The following USP24 variants were observed in gnomAD, a reference collection of about 807,000 sequenced individuals.
The protein encoded by USP24 is ubiquitin carboxyl-terminal hydrolase 24.
USP24 carries 97 observed loss-of-function variants against 361.6 expected under a neutral mutation model. That is an observed-to-expected ratio of 0.27 (90% CI 0.23 to 0.32). USP24 has a LOEUF of 0.32. USP24 is among the 10% of genes least tolerant of loss of function. USP24 has a pLI of 1.00. For synonymous variants in USP24, 1,098 were observed against 1,124.6 expected (o/e 0.98, Z 0.47); for missense variants, 2,353 against 3,165.6 (o/e 0.74, Z 6.16).
chr1:55,165,350 T>C (rs975989509), intron 7 of USP24, among the ~76,000 whole-genome samples: 2 of 152,116 alleles, frequency 1.3e-5, no homozygotes, highest in African/African-American at 4.8e-5. Context: ...AATTAAAGAT[T>C]AGTTATTCCC....
intron 1 of USP24, among the ~76,000 whole-genome samples, chr1:55,201,387 G>C (rs1644569151): frequency 6.6e-6 from 1 of 151,420 alleles, no homozygotes; most frequent in South Asian, 2.1e-4. Context: ...TGGATCACGA[G>C]GTCAGGAGTT....
At chr1:55,104,508 C>A (rs377346235) in intron 41 of USP24, among the ~76,000 whole-genome samples, 45 of 152,236 alleles carry the variant, frequency 3.0e-4, no homozygotes, top group African/African-American at 1.0e-3. Context: ...CAAATCAATT[C>A]GTTTAAAGTG....
chr1:55,145,814 A>G (rs914787746), intron 20 of USP24, among the ~76,000 whole-genome samples, 184 bp downstream of exon 20: 6 of 152,182 alleles, frequency 3.9e-5, no homozygotes, highest in African/African-American at 1.4e-4. Context: ...AAAACTAATT[A>G]TAAGATACCA....
At position 55,137,936 on chromosome 1, in the gene USP24, AATTC is replaced by A. The variant is rs772665624; in HGVS notation, c.2929-36_2929-33del. ...AATAAAATTAAACACGTTGTGAGAG[AATTC>A]ATTTATTTATTCATTTAAACAACTG... On this transcript the variant is annotated intron_variant, in intron 26 of 67. Transcript: ENST00000294383. The A allele has an allele frequency of 6.0e-5, 92 of 1,541,838 alleles. No homozygotes were observed. In the African/African-American group the frequency reaches 1.2e-3, roughly 20 times the overall value.
rs543659330 is a variant in USP24 at position 55,141,606 on chromosome 1, G to C, written c.2750+10C>G. ...TGTGTGTTGTGTATTTTTCACTTCTGATCACTTACCTATAAGGAGACTGAA... is the reference window on the plus strand; with the variant it reads ...TGTGTGTTGTGTATTTTTCACTTCTCATCACTTACCTATAAGGAGACTGAA... On this transcript the variant is annotated intron_variant, in intron 24 of 67. Transcript: ENST00000294383. 1.6e-4 allele frequency: 262 copies of C among 1,604,100 alleles called. 3 individuals are homozygous for C. The South Asian group carries it at 2.8e-3, about 17-fold the overall frequency.
At chr1:55,162,404 A>T (rs555002033) in intron 7 of USP24, 140 bp from the exon 8 acceptor site, 19 of 553,132 alleles carry the variant, frequency 3.4e-5, no homozygotes, top group Admixed American at 8.4e-5. Flanking sequence ...TAGAGAAACT[A>T]AACTCCTGGA....
At chr1:55,173,726 C>T (rs1403504002) in intron 3 of USP24, among the ~76,000 whole-genome samples, 1 of 152,164 alleles carries the variant, frequency 6.6e-6, no homozygotes, top group Non-Finnish European at 1.5e-5. Context: ...GCACTACTTG[C>T]TCAAATTAGC....
rs1356707843 is a variant in USP24, at chr1:55,214,812, T to C, written c.302A>G (p.Tyr101Cys). 2.5e-6 allele frequency: 3 copies of C among 1,215,304 alleles called. No homozygotes were observed. The highest frequency in any genetic ancestry group is 1.6e-5 in the African/African-American group (1 of 62,870). 75.3% of individuals were successfully genotyped at this position (1,215,304 alleles called of 1,614,324 possible). Residue 101 changes from tyrosine (Y) to cysteine (C), a missense_variant, in exon 1 of 68, where the codon TAC becomes TGC. Around this residue, in one of 8 missense-constraint regions of USP24, gnomAD observed 253 missense variants for 255.3 expected, o/e 0.99. Transcript: ENST00000294383. The part of the protein sequence containing the change: ...GGGGFDPPPA[Y>C]HEVVDAEKND... ...CACCTCCGCGTCCACCACCTCGTGG[T>C]AGGCGGGCGGGGGGTCGAAGCCGCC...
intron 58 of USP24, among the ~76,000 whole-genome samples, chr1:55,082,265 C>G (rs1461255950): frequency 2.0e-5 from 3 of 152,222 alleles, no homozygotes; most frequent in Non-Finnish European, 4.4e-5. Context: ...TACTTAACAT[C>G]TCTGAGCTTT....
intron 61 of USP24, 58 bp downstream of exon 61, chr1:55,078,480 T>C: frequency 1.5e-6 from 2 of 1,373,784 alleles, no homozygotes; most frequent in Non-Finnish European, 2.0e-6. Context: ...AAAAAGATGC[T>C]CTCCTAGAGT....
At chr1:55,133,744 C>A (rs914511594) in intron 30 of USP24, among the ~76,000 whole-genome samples, 2 of 151,184 alleles carry the variant, frequency 1.3e-5, no homozygotes, top group Non-Finnish European at 1.5e-5. Flanking sequence ...TCAAGCTATC[C>A]TCCTACCTCA....
chr1:55,091,931 G>T lies in USP24; in HGVS notation c.6554+92C>A, dbSNP rs112212490. On this transcript the variant is annotated intron_variant, in intron 54 of 67. Coordinates refer to ENST00000294383, the MANE Select transcript of USP24 (RefSeq NM_015306.3). Reference sequence around the variant, plus strand: ...GTCCTCTGAATAAAATTAGGTAGCTGCTTTCACAATATTTTAATTATAAAT... The same window carrying T: ...GTCCTCTGAATAAAATTAGGTAGCTTCTTTCACAATATTTTAATTATAAAT... The T allele has an allele frequency of 7.8e-5, 76 of 971,644 alleles. No individual in the cohort carries two copies. The African/African-American group carries it at 1.1e-3, about 14-fold the overall frequency. 60.2% of individuals were successfully genotyped at this position (971,644 alleles called of 1,614,324 possible). A position where few individuals can be genotyped will look rare whatever the true frequency, so the allele number is the denominator to read the frequency against.
intron 1 of USP24, among the ~76,000 whole-genome samples, chr1:55,179,298 T>A (rs80178342): frequency 6.6e-6 from 1 of 152,072 alleles, no homozygotes; most frequent in Non-Finnish European, 1.5e-5. Context: ...TTCTGGTACA[T>A]CTTCATCTTC....
chr1:55,137,409 G>C, intron 28 of USP24, 106 bp downstream of exon 28: 2 of 1,313,812 alleles, frequency 1.5e-6, no homozygotes, highest in Non-Finnish European at 2.0e-6. Flanking sequence ...CAACAAGCTT[G>C]AACACTAATG....
At chr1:55,089,341 TC>T (rs1267724815) in intron 55 of USP24, among the ~76,000 whole-genome samples, 5 of 152,130 alleles carry the variant, frequency 3.3e-5, no homozygotes, top group African/African-American at 1.2e-4. Context: ...GAGACTTGCG[TC>T]TCTGACCCCC....
chr1:55,171,548 A>C lies in USP24; in HGVS notation c.825+8T>G. 1 of 1,604,798 alleles carries C rather than the reference A, an allele frequency of 6.2e-7. No individual in the cohort carries two copies. The highest frequency in any genetic ancestry group is 8.5e-7 in the Non-Finnish European group (1 of 1,175,492). Reference sequence around the variant, plus strand: ...TTCTATAAAAAGATGAAACTAAATGATGTTTACCTTTTGGAAAGTCGATAC... The same window carrying C: ...TTCTATAAAAAGATGAAACTAAATGCTGTTTACCTTTTGGAAAGTCGATAC... On this transcript the variant is annotated splice_region_variant and intron_variant, in intron 5 of 67. Transcript: ENST00000294383.
At chr1:55,179,367 T>C (rs1219908676) in intron 1 of USP24, among the ~76,000 whole-genome samples, 1 of 152,218 alleles carries the variant, frequency 6.6e-6, no homozygotes, top group Non-Finnish European at 1.5e-5. Context: ...TCTCTTTTTG[T>C]TCCTGTCGAT....
chr1:55,124,562 C>T lies in USP24; in HGVS notation c.4027G>A (p.Ala1343Thr), dbSNP rs1208152328. The T allele has an allele frequency of 1.2e-6, 2 of 1,613,954 alleles. No homozygotes were observed. The highest frequency in any genetic ancestry group is 3.3e-5 in the Admixed American group (2 of 60,020). ...CTCCCAACAAGATCAAGCCGTCCTG[C>T]AGCCGCAGCCCATGACAATCTCATG... ...CFMRLSWAAA[A>T]GRLDLVGSSQ... The change falls in exon 35 of 68, where the codon GCA (alanine) becomes ACA (threonine). Residue 1343 changes from alanine (A) to threonine (T), a missense_variant. By Grantham distance (58) the Ala-to-Thr change is moderately conservative (BLOSUM62 0). Transcript: ENST00000294383.
chr1:55,116,345 C>A (rs1346119263), intron 38 of USP24, among the ~76,000 whole-genome samples: 3 of 145,356 alleles, frequency 2.1e-5, no homozygotes, highest in African/African-American at 2.6e-5. Context: ...AAAACAATAC[C>A]AAAAAGAAAA....
Sources: allele counts gnomAD v4.1 joint callset (sites outside exome capture counted in the v4.1 genomes callset), GRCh38; gene constraint gnomAD v4.1.1; regional missense constraint gnomAD v4.1.1; transcripts MANE v1.5; gene names NCBI Gene and HGNC (gene_info 2026-07-23, HGNC 2026-07-21).